TLN2: variants seen among roughly 807,000 people sequenced by gnomAD.
TLN2 encodes talin 2.
In TLN2, 118 loss-of-function variants were observed where a neutral mutation model predicts 294.7. The ratio of observed to expected loss-of-function variants is 0.40; its 90% confidence interval spans 0.34 to 0.47. The LOEUF is 0.47. Among genes scored for constraint, TLN2 ranks in the 20% least tolerant of loss-of-function variants. The pLI is 0.84. For synonymous variants in TLN2, 1,431 were observed against 1,304.5 expected (o/e 1.10, Z -2.09); for missense variants, 3,083 against 3,282.2 (o/e 0.94, Z 1.48).
Position 62,840,598 on chromosome 15 carries a change from A to G in TLN2, c.7617A>G (p.Glu2539=), listed in dbSNP as rs543299120. The G allele has an allele frequency of 6.2e-7, 1 of 1,614,112 alleles. No homozygotes were observed. Among genetic ancestry groups the G allele is most frequent in the South Asian group, 1.1e-5 (1 of 91,066 alleles). The change falls in exon 59 of 59, where the codon GAA becomes GAG. Residue 2539 remains glutamate, a synonymous_variant. Transcript: ENST00000636159. ...AGTTTTTACCCACCGAGCTGAGGGA[A>G]GATGAGGGCTAAAGGTGCGAGCCCA... is the stretch of plus-strand genomic sequence containing the variant. ...QYKFLPTELR[E]DEG
chr15:62,423,394 A>G (rs1169179515), intron 1 of TLN2, among the ~76,000 whole-genome samples: 1 of 152,008 alleles, frequency 6.6e-6, no homozygotes, highest in African/African-American at 2.4e-5. Flanking sequence ...AAACAAAACA[A>G]CAACAACAAA....
At chr15:62,411,139 T>C (rs2033752097) in intron 1 of TLN2, among the ~76,000 whole-genome samples, 1 of 152,096 alleles carries the variant, frequency 6.6e-6, no homozygotes, top group Non-Finnish European at 1.5e-5. Flanking sequence ...TCTGGAAGCG[T>C]ATGTGTGGAC....
intron 1 of TLN2, among the ~76,000 whole-genome samples, chr15:62,400,577 T>C (rs2032941900): frequency 6.6e-6 from 1 of 152,168 alleles, no homozygotes; most frequent in Non-Finnish European, 1.5e-5. Context: ...TTCTGATTCC[T>C]GGTTTTTTTC....
Position 62,462,003 on chromosome 15 carries a change from G to C in TLN2, c.-238+71318G>C, listed in dbSNP as rs548554047. ...TGTAATCCCAGCACTTTGGGCGGCT[G>C]AGGCAGGTGGATCACGAGACCAGCC... is the stretch of plus-strand genomic sequence containing the variant. On this transcript the variant is annotated intron_variant, in intron 1 of 58. Transcript: ENST00000636159. Among the ~76,000 whole-genome samples, 377 of 152,212 alleles carry C rather than the reference G, an allele frequency of 2.5e-3. 1 individual carries two copies. The highest frequency in any genetic ancestry group is 3.7e-3 in the Non-Finnish European group (254 of 68,004).
intron 1 of TLN2, among the ~76,000 whole-genome samples, chr15:62,487,699 G>A (rs1258464858): frequency 6.6e-6 from 1 of 151,774 alleles, no homozygotes; most frequent in African/African-American, 2.4e-5. Flanking sequence ...TTGGGAGGCT[G>A]AGGCAGGTGG....
intron 1 of TLN2, among the ~76,000 whole-genome samples, chr15:62,491,345 TATATATACACACACACACAC>T (rs1450454170): frequency 1.7e-5 from 2 of 115,176 alleles, no homozygotes; most frequent in African/African-American, 6.4e-5. Context: ...AAAATATATA[TATATATACACACACACACAC>T]ACACACACAC....
chr15:62,502,934 G>A (rs995619022), intron 1 of TLN2, among the ~76,000 whole-genome samples: 1 of 152,180 alleles, frequency 6.6e-6, no homozygotes, highest in South Asian at 2.1e-4. Context: ...GTGGGTTGGA[G>A]GAAAACAGCT....
intron 1 of TLN2, among the ~76,000 whole-genome samples, chr15:62,555,554 C>G (rs532878160): frequency 2.6e-4 from 40 of 152,266 alleles, no homozygotes; most frequent in African/African-American, 8.7e-4. Context: ...CACCTGTGAA[C>G]TTTTCTTTAT....
rs1006407761 is a variant in TLN2, at chr15:62,647,543, A to G, written c.136+97A>G. On this transcript the variant is annotated intron_variant, in intron 4 of 58. Transcript: ENST00000636159. ...GAGGCTCCAAGTGGTACACAAGCCTATTAGTGCATATGTTTCAAATGAAAT... is the reference window on the plus strand; with the variant it reads ...GAGGCTCCAAGTGGTACACAAGCCTGTTAGTGCATATGTTTCAAATGAAAT... 23 of 1,506,780 alleles carry G rather than the reference A, an allele frequency of 1.5e-5. No homozygotes were observed. In the East Asian group the frequency reaches 4.3e-4, roughly 28 times the overall value. 93.3% of individuals were successfully genotyped at this position (1,506,780 alleles called of 1,614,324 possible). A position where few individuals can be genotyped will look rare whatever the true frequency, so the allele number is the denominator to read the frequency against.
At chr15:62,597,998 A>G (rs1376056201) in intron 2 of TLN2, among the ~76,000 whole-genome samples, 1 of 152,162 alleles carries the variant, frequency 6.6e-6, no homozygotes, top group Non-Finnish European at 1.5e-5. Context: ...CAGATTAGGT[A>G]TGCTCAACCT....
At chr15:62,574,487 G>A (rs2044207596) in intron 1 of TLN2, among the ~76,000 whole-genome samples, 1 of 147,990 alleles carries the variant, frequency 6.8e-6, no homozygotes, top group South Asian at 2.2e-4. Flanking sequence ...AGACTAAGGT[G>A]GGAGGAGTGT....
intron 43 of TLN2, among the ~76,000 whole-genome samples, chr15:62,780,557 C>T (rs2064073490): frequency 1.3e-5 from 2 of 152,230 alleles, no homozygotes. Flanking sequence ...AGTTCTTCCA[C>T]CCCACAGTGA....
At chr15:62,622,995 G>T (rs1271927153) in intron 3 of TLN2, among the ~76,000 whole-genome samples, 1 of 152,208 alleles carries the variant, frequency 6.6e-6, no homozygotes, top group Non-Finnish European at 1.5e-5. Flanking sequence ...GTGCCAGCCT[G>T]TCTTTCTTAC....
chr15:62,842,072 G>A lies in TLN2; in HGVS notation c.*1462G>A, dbSNP rs774111693. On this transcript the variant is annotated 3_prime_UTR_variant, in exon 59 of 59. Transcript: ENST00000636159. ...GGGAAAGTTGGTGCTTTGGTCCTCC[G>A]AAGATGTCACCTTTCGACCTTGCCC... 6.6e-6 allele frequency: 1 copy of A among 152,076 alleles called. No homozygotes were observed. The highest frequency in any genetic ancestry group is 1.5e-5 in the Non-Finnish European group (1 of 68,028). The allele number at this position is 152,076 out of a possible 1,614,324, so 9.4% of individuals were successfully genotyped here.
At chr15:62,491,337 A>ATAT (rs1459674597) in intron 1 of TLN2, among the ~76,000 whole-genome samples, 14 of 114,964 alleles carry the variant, frequency 1.2e-4, no homozygotes, top group African/African-American at 3.5e-4. Flanking sequence ...AAAAAAAAAA[A>ATAT]ATATATATAT....
intron 1 of TLN2, among the ~76,000 whole-genome samples, chr15:62,493,142 G>T (rs2038837944): frequency 6.6e-6 from 1 of 152,174 alleles, no homozygotes. Context: ...GGGAAGTCTG[G>T]TCCCTGAACA....
chr15:62,410,412 A>C (rs1487438899), intron 1 of TLN2, among the ~76,000 whole-genome samples: 1 of 152,232 alleles, frequency 6.6e-6, no homozygotes, highest in East Asian at 1.9e-4. Flanking sequence ...TGTATCCCTA[A>C]AAAGGATGAA....
At chr15:62,595,449 T>C (rs2046415109) in intron 2 of TLN2, among the ~76,000 whole-genome samples, 1 of 141,812 alleles carries the variant, frequency 7.1e-6, no homozygotes, top group Admixed American at 7.0e-5. Context: ...AGATAACAAG[T>C]GTTGGTGAGG....
intron 42 of TLN2, among the ~76,000 whole-genome samples, chr15:62,775,384 A>G (rs140056703): frequency 6.6e-6 from 1 of 152,242 alleles, no homozygotes; most frequent in African/African-American, 2.4e-5. Flanking sequence ...AAATAAAGCA[A>G]TCTGCACATT....
Sources: gnomAD v4.1 joint callset for allele counts (sites outside exome capture counted in the v4.1 genomes callset) on GRCh38, gnomAD v4.1.1 for gene constraint, MANE v1.5 for transcripts, NCBI Gene and HGNC (gene_info 2026-07-23, HGNC 2026-07-21) for gene names.